DLC1: variants seen among roughly 807,000 people sequenced by gnomAD.
DLC1 encodes DLC1 Rho GTPase activating protein, also known as rho GTPase-activating protein 7.
In DLC1, 54 loss-of-function variants were observed where a neutral mutation model predicts 140.3. The observed-to-expected ratio is 0.38, with a 90% CI of 0.31 to 0.48. The LOEUF (loss-of-function observed/expected upper bound fraction) is 0.48, where lower values mean the gene tolerates loss of function less well. Among genes scored for constraint, DLC1 ranks in the 20% least tolerant of loss-of-function variants. DLC1 has a pLI of 0.96. For missense variants in DLC1, 2,536 were observed against 1,907.0 expected, an observed-to-expected ratio of 1.33 and a Z score of -6.14; for synonymous variants, 986 against 728.1, an observed-to-expected ratio of 1.35 and a Z score of -5.70.
intron 5 of DLC1, among the ~76,000 whole-genome samples, chr8:13,131,583 C>CTTTAAGTGT (rs1370719840): frequency 1.3e-5 from 1 of 78,328 alleles, no homozygotes; most frequent in Non-Finnish European, 3.9e-5. Flanking sequence ...ACGAAGCTTT[C>CTTTAAGTGT]TTTAAGTGCA....
At chr8:13,294,878 A>G (rs767493687) in intron 5 of DLC1, among the ~76,000 whole-genome samples, 27 of 152,320 alleles carry the variant, frequency 1.8e-4, no homozygotes, top group Admixed American at 9.8e-4. Flanking sequence ...GTAGATAACA[A>G]TAGCACCTAC....
chr8:13,566,926 T>G lies in DLC1; in HGVS notation c.-126+37611A>C, dbSNP rs1299946137. On this transcript the variant is annotated intron_variant, in intron 1 of 1. Transcript: ENST00000631382. ...ATCCATTCCCGGAGGGGTCAGCTCC[T>G]GACGGGTTCCTGAGCCAGTCTTAAC... is the stretch of plus-strand genomic sequence containing the variant. The G allele has an allele frequency of 4.8e-6, 7 of 1,465,914 alleles. No individual in the cohort carries two copies. The African/African-American group carries it at 5.7e-5, about 12-fold the overall frequency. 90.8% of individuals were successfully genotyped at this position (1,465,914 alleles called of 1,614,324 possible). A position where few individuals can be genotyped will look rare whatever the true frequency, so the allele number is the denominator to read the frequency against.
chr8:13,508,654 G>C (rs540079826), intron 1 of DLC1, among the ~76,000 whole-genome samples: 1 of 152,016 alleles, frequency 6.6e-6, no homozygotes, highest in Admixed American at 6.6e-5. Flanking sequence ...TCCTGACCTC[G>C]TGATCTGCCC....
chr8:13,324,508 A>C (rs1355226656), intron 4 of DLC1, among the ~76,000 whole-genome samples: 1 of 145,260 alleles, frequency 6.9e-6, no homozygotes, highest in Non-Finnish European at 1.5e-5. Flanking sequence ...TGGAGCTTGC[A>C]GTGAGCCCAG....
intron 1 of DLC1, among the ~76,000 whole-genome samples, chr8:13,513,951 A>T (rs918194114): frequency 6.6e-6 from 1 of 152,184 alleles, no homozygotes; most frequent in African/African-American, 2.4e-5. Flanking sequence ...AATATAAACT[A>T]AATTCGATTC....
chr8:13,091,863 T>C lies in DLC1; in HGVS notation c.3741-431A>G, dbSNP rs545208523. Among the ~76,000 whole-genome samples the C allele has an allele frequency of 3.3e-5, 5 of 152,256 alleles. No homozygotes were observed. The South Asian group carries it at 6.2e-4, about 19-fold the overall frequency. ...GGCTAAGTCCATTGTTTCCTTGACC[T>C]TTTGTCTTCATCTTATTTGATCTCT... On this transcript the variant is annotated intron_variant, in intron 13 of 17. Transcript: ENST00000276297.
chr8:13,228,163 G>C (rs1262094679), intron 5 of DLC1, among the ~76,000 whole-genome samples: 1 of 151,930 alleles, frequency 6.6e-6, no homozygotes, highest in African/African-American at 2.4e-5. Flanking sequence ...TACTAACTAA[G>C]CTCTTGTTCT....
intron 2 of DLC1, among the ~76,000 whole-genome samples, chr8:13,477,404 G>A (rs577590903): frequency 6.6e-6 from 1 of 152,322 alleles, no homozygotes; most frequent in South Asian, 2.1e-4. Context: ...GCCCGTGGGA[G>A]ACCAGGAGCA....
Position 13,533,079 on chromosome 8 carries a change from A to G in DLC1, c.-125-32883T>C, listed in dbSNP as rs144249450. On this transcript the variant is annotated intron_variant, in intron 1 of 1. Transcript: ENST00000631382. ...ATTATTAGTTGAAACGCTATGTGTC[A>G]TTAGTAATGCTTACATTAAAATACT... Among the ~76,000 whole-genome samples the G allele has an allele frequency of 4.4e-3, 668 of 152,356 alleles. 5 individuals are homozygous for G. Among genetic ancestry groups the G allele is most frequent in the African/African-American group, 0.015 (640 of 41,594 alleles).
rs775706343 is a variant in DLC1 at position 13,099,715 on chromosome 8, G to A, written c.2622C>T (p.Ser874=). 1.2e-6 allele frequency: 2 copies of A among 1,614,066 alleles called. No homozygotes were observed. Among genetic ancestry groups the A allele is most frequent in the African/African-American group, 1.3e-5 (1 of 74,940 alleles). ...KRRNSSSSMS[S]RLSIYDNVPG... Reference sequence around the variant, plus strand: ...GCACGTTGTCGTAGATGCTCAGGCGGCTGCTCATGGAGCTGGAAGAATTGC... The same window carrying A: ...GCACGTTGTCGTAGATGCTCAGGCGACTGCTCATGGAGCTGGAAGAATTGC... The change falls in exon 9 of 18, where the codon AGC becomes AGT. Residue 874 remains serine, a synonymous_variant. Transcript: ENST00000276297.
chr8:13,343,816 C>T (rs1834184941), intron 4 of DLC1, among the ~76,000 whole-genome samples: 1 of 152,130 alleles, frequency 6.6e-6, no homozygotes, highest in Non-Finnish European at 1.5e-5. Flanking sequence ...CCTGATTTTT[C>T]ACAGTTGGCA....
intron 1 of DLC1, among the ~76,000 whole-genome samples, chr8:13,527,084 C>G (rs1249449341): frequency 6.6e-6 from 1 of 152,132 alleles, no homozygotes; most frequent in Non-Finnish European, 1.5e-5. Context: ...TCATATTGTA[C>G]GTGAATAGGC....
intron 4 of DLC1, among the ~76,000 whole-genome samples, chr8:13,329,402 C>T (rs1833497443): frequency 6.6e-6 from 1 of 151,898 alleles, no homozygotes; most frequent in Admixed American, 6.6e-5. Flanking sequence ...AGGATATATC[C>T]CTGTTGTTGA....
chr8:13,133,368 C>T, intron 5 of DLC1: 4 of 1,032,946 alleles, frequency 3.9e-6, no homozygotes, highest in Non-Finnish European at 4.7e-6. Context: ...GGCGGCACCG[C>T]CTCCTCCCCG....
At chr8:13,142,962 T>C (rs1039238550) in intron 5 of DLC1, among the ~76,000 whole-genome samples, 2 of 150,772 alleles carry the variant, frequency 1.3e-5, no homozygotes, top group African/African-American at 4.9e-5. Flanking sequence ...GGCAGGAGAA[T>C]CACTTGAACA....
At chr8:13,483,802 C>A (rs1025043635) in intron 2 of DLC1, among the ~76,000 whole-genome samples, 4 of 151,928 alleles carry the variant, frequency 2.6e-5, no homozygotes, top group African/African-American at 9.7e-5. Flanking sequence ...TAATCTCGGG[C>A]GGGGTGTGGT....
chr8:13,135,204 C>CTT (rs548207973), intron 5 of DLC1, among the ~76,000 whole-genome samples: 72 of 131,194 alleles, frequency 5.5e-4, no homozygotes, highest in African/African-American at 1.5e-3. Flanking sequence ...AGTGAGAAGC[C>CTT]TTTTTTTTTT....
At chr8:13,191,123 A>G (rs1322494294) in intron 5 of DLC1, among the ~76,000 whole-genome samples, 1 of 152,226 alleles carries the variant, frequency 6.6e-6, no homozygotes. Flanking sequence ...GACTGGTAAT[A>G]GCAAAGAAAG....
chr8:13,402,442 G>A (rs1837338738), intron 2 of DLC1, among the ~76,000 whole-genome samples: 1 of 152,266 alleles, frequency 6.6e-6, no homozygotes, highest in South Asian at 2.1e-4. Context: ...TTAGGATGGG[G>A]TACGGTATTG....
Sources: gnomAD v4.1 joint callset for allele counts (sites outside exome capture counted in the v4.1 genomes callset) on GRCh38, gnomAD v4.1.1 for gene constraint, MANE v1.5 for transcripts, NCBI Gene and HGNC (gene_info 2026-07-23, HGNC 2026-07-21) for gene names.